ANKRD16: variants seen among roughly 807,000 people sequenced by gnomAD.
ANKRD16 encodes the protein ankyrin repeat domain-containing protein 16.
Under a neutral mutation model 37.9 loss-of-function variants are expected in ANKRD16, and 35 were observed. The observed-to-expected ratio is 0.92, with a 90% CI of 0.71 to 1.23. The LOEUF is 1.23. Ranked by LOEUF, ANKRD16 falls within the 50% of genes most tolerant of loss-of-function variation. The pLI, the probability that ANKRD16 is intolerant of heterozygous loss-of-function variation, is 0.00. For synonymous variants in ANKRD16, 206 were observed against 197.2 expected, an observed-to-expected ratio of 1.04 and a Z score of -0.37; for missense variants, 480 against 469.9, an observed-to-expected ratio of 1.02 and a Z score of -0.20.
chr10:5,884,979 G>A (rs923163735), intron 3 of ANKRD16, among the ~76,000 whole-genome samples: 1 of 152,098 alleles, frequency 6.6e-6, no homozygotes, highest in African/African-American at 2.4e-5. Context: ...CTGGCGCTGA[G>A]ATTCTTTACT....
chr10:5,867,041 A>G (rs750971574), intron 7 of ANKRD16, among the ~76,000 whole-genome samples: 2 of 152,220 alleles, frequency 1.3e-5, no homozygotes, highest in Non-Finnish European at 2.9e-5. Flanking sequence ...AGTGTACCCT[A>G]TTCCTTTAAA....
In ANKRD16 at chr10:5,862,806, T is replaced by C; in HGVS notation, c.*34-115A>G. On this transcript the variant is annotated intron_variant, in intron 7 of 7. Transcript: ENST00000380094. This position sits in a 1 kb window ranked among gnomAD's most constrained non-coding sequence, Gnocchi z 6.5. ...ACTCAGGGCTGCTGGCTACAGGGCCTGGCTCTACATGCTGCACAGTCAGAG... is the reference window on the plus strand; with the variant it reads ...ACTCAGGGCTGCTGGCTACAGGGCCCGGCTCTACATGCTGCACAGTCAGAG... 1.7e-6 allele frequency: 1 copy of C among 585,016 alleles called. No individual in the cohort carries two copies. Among genetic ancestry groups the C allele is most frequent in the Non-Finnish European group, 2.8e-6 (1 of 352,536 alleles). 36.2% of individuals were successfully genotyped at this position (585,016 alleles called of 1,614,324 possible). A position where few individuals can be genotyped will look rare whatever the true frequency, so the allele number is the denominator to read the frequency against.
Position 5,889,535 on chromosome 10 carries a change from A to C in ANKRD16, c.-181T>G. 1 of 312,986 alleles carries C rather than the reference A, an allele frequency of 3.2e-6. No individual in the cohort carries two copies. The highest frequency in any genetic ancestry group is 5.3e-6 in the Non-Finnish European group (1 of 189,634). 19.4% of individuals were successfully genotyped at this position (312,986 alleles called of 1,614,324 possible). A position where few individuals can be genotyped will look rare whatever the true frequency, so the allele number is the denominator to read the frequency against. ...TTGTCCCCGGCAGAGCCGCCTCCTC[A>C]AACCCCCGGCCTAGTCCGCAGGCGG... On this transcript the variant is annotated 5_prime_UTR_variant, in exon 1 of 8. Coordinates refer to ENST00000380094, the MANE Select transcript of ANKRD16 (RefSeq NM_019046.3).
At chr10:5,888,112 A>G in intron 1 of ANKRD16, 45 bp from the exon 2 acceptor site, 6 of 1,572,590 alleles carry the variant, frequency 3.8e-6, no homozygotes, top group Non-Finnish European at 4.4e-6. Flanking sequence ...CAGCTGAGAC[A>G]TTAGAAGCCA....
At position 5,889,049 on chromosome 10, in the gene ANKRD16, C is replaced by T. The variant is rs1842525505; in HGVS notation, c.306G>A (p.Lys102=). 4 of 1,540,802 alleles carry T rather than the reference C, an allele frequency of 2.6e-6. No homozygotes were observed. The highest frequency in any genetic ancestry group is 3.5e-6 in the Non-Finnish European group (4 of 1,149,842). Reference sequence around the variant, plus strand: ...TTCCGCTCCACACCTACCAGTCGGCCTTCTTCAGGCAGTCGACCGCTGCCC... The same window carrying T: ...TTCCGCTCCACACCTACCAGTCGGCTTTCTTCAGGCAGTCGACCGCTGCCC... ...GRGAAVDCLK[K]ADWTPLMMAC... The change falls in exon 1 of 8, where the codon AAG becomes AAA. Residue 102 remains lysine (K), a synonymous_variant. Transcript: ENST00000380094.
rs1842050569 is a variant in ANKRD16 at position 5,868,771 on chromosome 10, G to T, written c.*34-6080C>A. 6.6e-6 allele frequency among the ~76,000 whole-genome samples: 1 copy of T among 152,206 alleles called. No homozygotes were observed. The highest frequency in any genetic ancestry group is 1.5e-5 in the Non-Finnish European group (1 of 68,042). ...AAGAGCTGTAACATTCACTGCGAGG[G>T]TCTGCGGCTTCATTCCTTAAGTCAG... On this transcript the variant is annotated intron_variant, in intron 7 of 7. Coordinates refer to ENST00000380094, the MANE Select transcript of ANKRD16 (RefSeq NM_019046.3). The surrounding 1 kb of genome is among the most constrained non-coding windows in gnomAD (Gnocchi z 4.9).
chr10:5,887,614 C>T (rs917090832), intron 2 of ANKRD16, among the ~76,000 whole-genome samples: 1 of 152,188 alleles, frequency 6.6e-6, no homozygotes, highest in Non-Finnish European at 1.5e-5. Context: ...GAACGCCTGA[C>T]CTCAGGTGAT....
chr10:5,862,550 C>G lies in ANKRD16; in HGVS notation c.*175G>C. The stretch of plus-strand genomic sequence containing the variant: ...TGGCACTGACTTCACCACTGGTACA[C>G]CTCAGATATACAACTTTGATCTCGC... On this transcript the variant is annotated 3_prime_UTR_variant, in exon 8 of 8. Transcript: ENST00000380094. This position sits in a 1 kb window ranked among gnomAD's most constrained non-coding sequence, Gnocchi z 6.5. 1 of 1,244,734 alleles carries G rather than the reference C, an allele frequency of 8.0e-7. No individual in the cohort carries two copies. Among genetic ancestry groups the G allele is most frequent in the Non-Finnish European group, 1.1e-6 (1 of 949,940 alleles). 77.1% of individuals were successfully genotyped at this position (1,244,734 alleles called of 1,614,324 possible). A position where few individuals can be genotyped will look rare whatever the true frequency, so the allele number is the denominator to read the frequency against.
chr10:5,870,052 C>T lies in ANKRD16; in HGVS notation c.*34-7361G>A, dbSNP rs1242078338. Among the ~76,000 whole-genome samples the T allele has an allele frequency of 6.6e-6, 1 of 152,058 alleles. No homozygotes were observed. The highest frequency in any genetic ancestry group is 1.5e-5 in the Non-Finnish European group (1 of 68,018). On this transcript the variant is annotated intron_variant, in intron 7 of 7. Transcript: ENST00000380094. The surrounding 1 kb of genome is among the most constrained non-coding windows in gnomAD (Gnocchi z 5.0). The stretch of plus-strand genomic sequence containing the variant: ...CATTTTAACAAGACTCTAGTTGCTT[C>T]GTACAGACATTAGACTCATTCCTCC...
chr10:5,868,830 C>T lies in ANKRD16; in HGVS notation c.*34-6139G>A, dbSNP rs1842051668. ...CGAACCCACCAGGAGGAACAAACAACTCTGAATGTACCATCTTTAAGATCA... is the reference window on the plus strand; with the variant it reads ...CGAACCCACCAGGAGGAACAAACAATTCTGAATGTACCATCTTTAAGATCA... On this transcript the variant is annotated intron_variant, in intron 7 of 7. Coordinates refer to ENST00000380094, the MANE Select transcript of ANKRD16 (RefSeq NM_019046.3). The surrounding 1 kb of genome is among the most constrained non-coding windows in gnomAD (Gnocchi z 4.9). Among the ~76,000 whole-genome samples the T allele has an allele frequency of 6.6e-6, 1 of 152,316 alleles. No homozygotes were observed. Among genetic ancestry groups the T allele is most frequent in the African/African-American group, 2.4e-5 (1 of 41,572 alleles).
chr10:5,879,725 T>G (rs759360757), intron 6 of ANKRD16, among the ~76,000 whole-genome samples: 125,032 of 151,530 alleles, frequency 0.83, 51,994 homozygotes, highest in Admixed American at 0.87. Context: ...ATGCATATAT[T>G]GTTATGGTTT....
rs926129280 is a variant in ANKRD16 at position 5,866,987 on chromosome 10, A to C, written c.*34-4296T>G. 6.6e-6 allele frequency among the ~76,000 whole-genome samples: 1 copy of C among 152,218 alleles called. No individual in the cohort carries two copies. Among genetic ancestry groups the C allele is most frequent in the African/African-American group, 2.4e-5 (1 of 41,448 alleles). ...GAAGGAGAGAGAAAGACAAAGAAGA[A>C]GTCAAAGAGAAAGAAAGAGAGATGG... is the stretch of plus-strand genomic sequence containing the variant. On this transcript the variant is annotated intron_variant, in intron 7 of 7. Coordinates refer to ENST00000380094, the MANE Select transcript of ANKRD16 (RefSeq NM_019046.3). This position sits in a 1 kb window ranked among gnomAD's most constrained non-coding sequence, Gnocchi z 4.3.
Position 5,884,011 on chromosome 10 carries a change from A to T in ANKRD16, c.645T>A (p.Cys215Ter). Residue 215 changes from cysteine (C) to a stop codon, truncating the protein, a stop_gained, in exon 4 of 8, where the codon TGT becomes TGA. Transcript: ENST00000380094. LOFTEE classifies it high-confidence loss of function. ...GCAGCCTAGCGACGTCGATGTGCCC[A>T]CACTGGATTGCGTCCATCAAGGCGG... ...GVTALMDAIQ[C>*]GHIDVARLLL... 1.2e-6 allele frequency: 2 copies of T among 1,614,192 alleles called. No homozygotes were observed. Among genetic ancestry groups the T allele is most frequent in the South Asian group, 2.2e-5 (2 of 91,082 alleles).
chr10:5,889,082 C>T lies in ANKRD16; in HGVS notation c.273G>A (p.Leu91=). Reference sequence around the variant, plus strand: ...GGCAGTCGACCGCTGCCCCCCGGCCCAGCAGGTAGCGCACGCAGTCTCGGT... The same window carrying T: ...GGCAGTCGACCGCTGCCCCCCGGCCTAGCAGGTAGCGCACGCAGTCTCGGT... The part of the protein sequence containing the change: ...MGHRDCVRYL[L]GRGAAVDCLK... Residue 91 remains leucine (L), a synonymous_variant, in exon 1 of 8, where the codon CTG becomes CTA. Transcript: ENST00000380094. 6.3e-7 allele frequency: 1 copy of T among 1,574,950 alleles called. No individual in the cohort carries two copies. Among genetic ancestry groups the T allele is most frequent in the Non-Finnish European group, 8.6e-7 (1 of 1,167,426 alleles).
At chr10:5,887,701 T>TC (rs1170359276) in intron 2 of ANKRD16, 146 bp downstream of exon 2, 5 of 91,394 alleles carry the variant, frequency 5.5e-5, no homozygotes, top group Admixed American at 1.3e-4. Flanking sequence ...CCCCACCCCC[T>TC]CCCCCCCAGA....
Position 5,880,324 on chromosome 10 carries a change from T to C in ANKRD16, c.902A>G (p.Asn301Ser), listed in dbSNP as rs766532561. Residue 301 changes from asparagine (N) to serine (S), a missense_variant, in exon 6 of 8, where the codon AAT (asparagine) becomes AGT (serine). Physicochemically the swap from Asn to Ser is conservative, Grantham distance 46. Transcript: ENST00000380094. ...QTLLSLGADI[N>S]SKDEKNRSAL... ...TGATCGATTTTTTTCATCTTTAGAA[T>C]TGATGTCAGCTCCCAAGGATAAGAG... is the stretch of plus-strand genomic sequence containing the variant. The C allele has an allele frequency of 1.6e-5, 25 of 1,604,044 alleles. 2 individuals carry two copies. In the South Asian group the frequency reaches 2.7e-4, roughly 17 times the overall value.
Position 5,889,234 on chromosome 10 carries a change from G to A in ANKRD16, c.121C>T (p.Leu41=), listed in dbSNP as rs1253337106. Residue 41 remains leucine, a synonymous_variant, in exon 1 of 8, where the codon CTG becomes TTG. Transcript: ENST00000380094. ...TGCCCGTGGCGCGCGGCGCAGTGCA[G>A]GAGGGTATCCCCGGCCGGCCCCGGG... The part of the protein sequence containing the change: ...GCPGPAGDTL[L]HCAARHGHRD... The A allele has an allele frequency of 5.8e-6, 9 of 1,563,394 alleles. No homozygotes were observed. The highest frequency in any genetic ancestry group is 7.7e-6 in the Non-Finnish European group (9 of 1,164,050).
rs116747539 is a variant in ANKRD16, at chr10:5,888,241, C to T, written c.315-174G>A. Among the ~76,000 whole-genome samples the T allele has an allele frequency of 9.3e-3, 1,419 of 152,212 alleles. 16 individuals carry two copies. Among genetic ancestry groups the T allele is most frequent in the African/African-American group, 0.032 (1,335 of 41,526 alleles). On this transcript the variant is annotated intron_variant, in intron 1 of 7. Coordinates refer to ENST00000380094, the MANE Select transcript of ANKRD16 (RefSeq NM_019046.3). Reference sequence around the variant, plus strand: ...CAACCTCTGTGCCTTCTGTGAGGACCCTGGGAGAAATAATAAGGGGAAAAT... The same window carrying T: ...CAACCTCTGTGCCTTCTGTGAGGACTCTGGGAGAAATAATAAGGGGAAAAT...
intron 5 of ANKRD16, chr10:5,882,578 C>A (rs1368517965): frequency 6.5e-6 from 1 of 153,534 alleles, no homozygotes; most frequent in East Asian, 1.9e-4. Context: ...AAAACAGCTA[C>A]TTTTCCAGTG....
Sources: allele counts gnomAD v4.1 joint callset (sites outside exome capture counted in the v4.1 genomes callset), GRCh38; gene constraint gnomAD v4.1.1; non-coding constraint Gnocchi (gnomAD v3.1); transcripts MANE v1.5; gene names NCBI Gene and HGNC (gene_info 2026-07-23, HGNC 2026-07-21).